Variants in WDR4 observed in about 807,000 individuals in gnomAD.
The protein encoded by WDR4 is tRNA (guanine-N(7)-)-methyltransferase non-catalytic subunit WDR4.
A neutral mutation model predicts 48.6 loss-of-function variants in WDR4; 47 were observed. The observed-to-expected ratio is 0.97, with a 90% CI of 0.77 to 1.23. WDR4 has a LOEUF of 1.23. Among genes scored for constraint, WDR4 ranks in the 50% most tolerant of loss-of-function variants. The probability of loss-of-function intolerance (pLI) is 0.00; values close to 1 mark genes in which losing one functional copy is unlikely to be tolerated. For synonymous variants in WDR4, 268 were observed against 230.0 expected (o/e 1.17, Z -1.49); for missense variants, 606 against 551.6 (o/e 1.10, Z -0.99).
chr21:42,845,467 C>T (rs1470695714), downstream of WDR4, among the ~76,000 whole-genome samples: 1 of 152,216 alleles, frequency 6.6e-6, no homozygotes, highest in African/African-American at 2.4e-5. Context: ...GCCATGGTAA[C>T]CTTTGTAGGC....
intron 7 of WDR4, among the ~76,000 whole-genome samples, 157 bp from the exon 8 acceptor site, chr21:42,854,783 A>G (rs2057942607): frequency 1.3e-5 from 2 of 152,148 alleles, no homozygotes; most frequent in Admixed American, 1.3e-4. Context: ...TGGGGAAAGG[A>G]GGGTAGCTGA....
chr21:42,863,421 T>C lies in WDR4; in HGVS notation c.453+19A>G. On this transcript the variant is annotated intron_variant, in intron 4 of 10. Coordinates refer to ENST00000398208, the MANE Select transcript of WDR4 (RefSeq NM_018669.6). ...TCCCACACCTGCCATGTCCCCCACCTACCACGTCCCCCACCTACCACATCT... is the reference window on the plus strand; with the variant it reads ...TCCCACACCTGCCATGTCCCCCACCCACCACGTCCCCCACCTACCACATCT... 2 of 1,582,864 alleles carry C rather than the reference T, an allele frequency of 1.3e-6. No homozygotes were observed. The highest frequency in any genetic ancestry group is 1.7e-5 in the Admixed American group (1 of 57,688).
chr21:42,877,586 A>G (rs1247970546), intron 1 of WDR4, among the ~76,000 whole-genome samples: 2 of 152,144 alleles, frequency 1.3e-5, no homozygotes. Flanking sequence ...ACAATATTTC[A>G]GGGAACAGTT....
chr21:42,885,657 C>T, the WDR4 span, among the ~76,000 whole-genome samples: 1 of 152,034 alleles, frequency 6.6e-6, no homozygotes, highest in Non-Finnish European at 1.5e-5. Context: ...TCAATTTCCC[C>T]CAAAATCCCT....
the WDR4 span, among the ~76,000 whole-genome samples, chr21:42,889,501 G>A: frequency 6.6e-6 from 1 of 152,086 alleles, no homozygotes; most frequent in Non-Finnish European, 1.5e-5. Flanking sequence ...GCGATTTCCA[G>A]CCCACTCCCA....
At position 42,863,567 on chromosome 21, in the gene WDR4, G is replaced by C; in HGVS notation, c.326C>G (p.Thr109Ser). The C allele has an allele frequency of 6.2e-7, 1 of 1,613,992 alleles. No individual in the cohort carries two copies. The highest frequency in any genetic ancestry group is 1.3e-5 in the African/African-American group (1 of 74,976). ...RTVARRCTAL[T>S]FIASEEKVLV... ...GACCTTCTCCTCCGAGGCTATGAAA[G>C]TCAGGGCTGTACACCTCCTTGCCAC... The change falls in exon 4 of 11, where the codon ACT becomes AGT. Residue 109 changes from threonine (T) to serine (S), a missense_variant. By Grantham distance (58) the Thr-to-Ser change is moderately conservative. Coordinates refer to ENST00000398208, the MANE Select transcript of WDR4 (RefSeq NM_018669.6).
chr21:42,875,378 C>T (rs1398306266), intron 2 of WDR4, among the ~76,000 whole-genome samples: 1 of 152,016 alleles, frequency 6.6e-6, no homozygotes, highest in Admixed American at 6.6e-5. Flanking sequence ...GGTAAAACCT[C>T]GTCTCTACTA....
At position 42,862,210 on chromosome 21, in the gene WDR4, T is replaced by G; in HGVS notation, c.566+72A>C. 2 of 1,411,244 alleles carry G rather than the reference T, an allele frequency of 1.4e-6. No individual in the cohort carries two copies. Among genetic ancestry groups the G allele is most frequent in the East Asian group, 2.5e-5 (1 of 40,162 alleles). The allele number at this position is 1,411,244 out of a possible 1,614,324, so 87.4% of individuals were successfully genotyped here. A position where few individuals can be genotyped will look rare whatever the true frequency, so the allele number is the denominator to read the frequency against. The stretch of plus-strand genomic sequence containing the variant: ...GGGCCTCGCCAGCTACAACGGCACC[T>G]GCTGAGCCGCAAGCTGACGCTGTTT... On this transcript the variant is annotated intron_variant, in intron 5 of 10. Transcript: ENST00000398208. This position sits in a 1 kb window ranked among gnomAD's most constrained non-coding sequence, Gnocchi z 4.3.
chr21:42,890,331 C>G, the WDR4 span, among the ~76,000 whole-genome samples: 2 of 152,016 alleles, frequency 1.3e-5, no homozygotes, highest in Admixed American at 6.6e-5. Flanking sequence ...GTCAAGAGTT[C>G]GAGACCAGCT....
Position 42,864,014 on chromosome 21 carries a change from G to A in WDR4, c.297-418C>T, listed in dbSNP as rs1035620518. 3.2e-4 allele frequency among the ~76,000 whole-genome samples: 27 copies of A among 83,610 alleles called. 2 individuals carry two copies. Among genetic ancestry groups the A allele is most frequent in the Admixed American group, 1.2e-3 (13 of 11,086 alleles). 54.9% of individuals were successfully genotyped at this position (83,610 alleles called of 152,430 possible). On this transcript the variant is annotated intron_variant, in intron 3 of 10. Transcript: ENST00000398208. ...CCCAGCTACTCGGGAGGCTGAGGCG[G>A]GAGAATGGCGTGAACCCGGGAGGCG...
chr21:42,850,371 C>G (rs1386569503), intron 10 of WDR4, 129 bp from the exon 11 acceptor site: 1 of 821,962 alleles, frequency 1.2e-6, no homozygotes, highest in Non-Finnish European at 1.8e-6. Flanking sequence ...TGGGGGGCGC[C>G]TTCTGGGACG....
At chr21:42,869,852 A>C (rs968911231) in intron 3 of WDR4, among the ~76,000 whole-genome samples, 9 of 151,942 alleles carry the variant, frequency 5.9e-5, no homozygotes, top group Non-Finnish European at 1.3e-4. Context: ...TCTACTAAAA[A>C]AATAGAAAAA....
intron 6 of WDR4, among the ~76,000 whole-genome samples, chr21:42,858,157 G>A (rs1160123093): frequency 2.0e-5 from 3 of 152,214 alleles, no homozygotes; most frequent in Admixed American, 2.0e-4. Context: ...AAGTGAGCAA[G>A]AGGCAGGGGT....
chr21:42,858,538 C>G (rs997864402), intron 6 of WDR4, among the ~76,000 whole-genome samples: 2 of 152,202 alleles, frequency 1.3e-5, no homozygotes. Flanking sequence ...AGTCAGAAAA[C>G]ACTGACCCTC....
intron 7 of WDR4, 78 bp downstream of exon 7, chr21:42,855,604 G>C: frequency 1.8e-6 from 2 of 1,139,394 alleles, no homozygotes; most frequent in Non-Finnish European, 2.4e-6. Context: ...CAACGGCGAA[G>C]TGACTTTTCC....
chr21:42,843,762 T>G (rs1331279329), intron 11 of WDR4, among the ~76,000 whole-genome samples: 1 of 152,168 alleles, frequency 6.6e-6, no homozygotes, highest in Non-Finnish European at 1.5e-5. Flanking sequence ...AGACAGGGTT[T>G]CACCATATTG....
downstream of WDR4, among the ~76,000 whole-genome samples, chr21:42,847,616 C>T (rs1163763703): frequency 6.6e-6 from 1 of 152,148 alleles, no homozygotes; most frequent in Non-Finnish European, 1.5e-5. Flanking sequence ...ACTCTGCAGC[C>T]GTAGCACAAA....
In WDR4 at chr21:42,852,217, GTGTGACCCCCAAGGGCAGCCTGCACC is replaced by G; in HGVS notation, c.1045+12_1045+37del. ...CTGCTTTCTCTGGGGACCGCGCTGG[GTGTGACCCCCAAGGGCAGCCTGCACC>G]CGTGCTCTCACCTTCCAGCATGGCC... On this transcript the variant is annotated intron_variant, in intron 10 of 10. Coordinates refer to ENST00000398208, the MANE Select transcript of WDR4 (RefSeq NM_018669.6). The G allele has an allele frequency of 1.2e-6, 2 of 1,610,902 alleles. No homozygotes were observed. The highest frequency in any genetic ancestry group is 1.7e-6 in the Non-Finnish European group (2 of 1,178,200).
At chr21:42,870,785 G>A (rs530000132) in intron 3 of WDR4, among the ~76,000 whole-genome samples, 15 of 151,922 alleles carry the variant, frequency 9.9e-5, no homozygotes, top group African/African-American at 2.9e-4. Context: ...GTGAAACTCC[G>A]TCTCAAATTA....
Sources: allele counts gnomAD v4.1 joint callset (sites outside exome capture counted in the v4.1 genomes callset), GRCh38; gene constraint gnomAD v4.1.1; non-coding constraint Gnocchi (gnomAD v3.1); transcripts MANE v1.5; gene names NCBI Gene and HGNC (gene_info 2026-07-23, HGNC 2026-07-21).